The following ESR1 variants were observed in gnomAD, a reference collection of about 807,000 sequenced individuals.
ESR1 encodes the protein estrogen receptor 1.
In ESR1, 12 loss-of-function variants were observed where a neutral mutation model predicts 52.7. That is an observed-to-expected ratio of 0.23 (90% CI 0.15 to 0.37). The LOEUF is 0.37. Ranked by LOEUF, ESR1 falls within the 10% of genes least tolerant of loss-of-function variation. The probability of loss-of-function intolerance (pLI) is 1.00; values close to 1 mark genes in which losing one functional copy is unlikely to be tolerated. For synonymous variants in ESR1, 305 were observed against 316.8 expected (o/e 0.96, Z 0.39); for missense variants, 584 against 779.7 (o/e 0.75, Z 2.99).
chr6:151,938,135 G>A (rs1004048544), intron 3 of ESR1, among the ~76,000 whole-genome samples: 1 of 152,122 alleles, frequency 6.6e-6, no homozygotes, highest in African/African-American at 2.4e-5. Context: ...TTATGCAAAT[G>A]TTTGAAATAT....
At chr6:152,033,904 A>G (rs2045000272) in intron 5 of ESR1, among the ~76,000 whole-genome samples, 1 of 152,176 alleles carries the variant, frequency 6.6e-6, no homozygotes, top group South Asian at 2.1e-4. Context: ...CAAATGTCCA[A>G]CAATGATCTG....
At chr6:151,856,574 T>C (rs1018077047) in intron 2 of ESR1, among the ~76,000 whole-genome samples, 1 of 147,834 alleles carries the variant, frequency 6.8e-6, no homozygotes, top group African/African-American at 2.6e-5. Flanking sequence ...GGCCAGCTTT[T>C]ATCAATTATA....
intron 1 of ESR1, among the ~76,000 whole-genome samples, chr6:151,828,082 A>G (rs1781812208): frequency 6.6e-6 from 1 of 152,210 alleles, no homozygotes; most frequent in Admixed American, 6.5e-5. Flanking sequence ...CTTATCCAAA[A>G]TTAAAATTTA....
chr6:151,691,685 T>A (rs1405080986), intron 1 of ESR1, among the ~76,000 whole-genome samples: 1 of 139,202 alleles, frequency 7.2e-6, no homozygotes, highest in African/African-American at 2.8e-5. Flanking sequence ...GAATGTGGTA[T>A]ATACATATTT....
intron 6 of ESR1, among the ~76,000 whole-genome samples, chr6:152,072,959 T>A (rs912433664): frequency 6.6e-6 from 1 of 152,242 alleles, no homozygotes; most frequent in Non-Finnish European, 1.5e-5. Flanking sequence ...CTTAGTGCCA[T>A]GCTTTCTTAG....
At chr6:151,991,415 A>C (rs1445959540) in intron 4 of ESR1, among the ~76,000 whole-genome samples, 1 of 152,104 alleles carries the variant, frequency 6.6e-6, no homozygotes, top group Non-Finnish European at 1.5e-5. Context: ...AAGAGTTTCT[A>C]ATCTCACCTG....
rs907041904 is a variant in ESR1, at chr6:152,004,309, A to G, written c.1097-7347A>G. Among the ~76,000 whole-genome samples the G allele has an allele frequency of 5.3e-5, 8 of 152,014 alleles. No individual in the cohort carries two copies. The South Asian group carries it at 1.2e-3, about 24-fold the overall frequency. ...AAGACCAATAATTTTTCAAAGGAGC[A>G]TTATAAGGAGTGTGGTTACTTGGGT... On this transcript the variant is annotated intron_variant, in intron 4 of 7. Coordinates refer to ENST00000206249, the MANE Select transcript of ESR1 (RefSeq NM_000125.4).
chr6:151,880,348 T>G (rs1290504464), intron 2 of ESR1, among the ~76,000 whole-genome samples: 1 of 142,084 alleles, frequency 7.0e-6, no homozygotes, highest in Non-Finnish European at 1.6e-5. Context: ...ATACCCAGGT[T>G]TTTTTTGTAT....
rs898136469 is a variant in ESR1, at chr6:151,928,860, G to A, written c.761-15313G>A. ...GTGTTGTTCAATCTCTAAATATTTC[G>A]ATATTTTCCAGCTATCTTTCTGTTG... On this transcript the variant is annotated intron_variant, in intron 3 of 7. Transcript: ENST00000206249. Among the ~76,000 whole-genome samples, 11 of 151,776 alleles carry A rather than the reference G, an allele frequency of 7.2e-5. No homozygotes were observed. The East Asian group carries it at 9.7e-4, about 13-fold the overall frequency.
At chr6:152,068,025 TACAA>T (rs2048105201) in intron 6 of ESR1, among the ~76,000 whole-genome samples, 1 of 152,206 alleles carries the variant, frequency 6.6e-6, no homozygotes, top group South Asian at 2.1e-4. Flanking sequence ...TTAAATTAAA[TACAA>T]ACTAAGAGGG....
At chr6:151,724,481 A>C (rs1781695804) in intron 2 of ESR1, among the ~76,000 whole-genome samples, 1 of 152,136 alleles carries the variant, frequency 6.6e-6, no homozygotes, top group Non-Finnish European at 1.5e-5. Flanking sequence ...ATTACCCTAG[A>C]GATACACATA....
chr6:151,938,422 G>A (rs1251408884), intron 3 of ESR1, among the ~76,000 whole-genome samples: 1 of 152,202 alleles, frequency 6.6e-6, no homozygotes, highest in Non-Finnish European at 1.5e-5. Context: ...ATTAGAGGTA[G>A]TCTTTGAAAA....
chr6:151,715,633 A>T (rs1780972964), intron 2 of ESR1, among the ~76,000 whole-genome samples: 1 of 152,050 alleles, frequency 6.6e-6, no homozygotes, highest in Non-Finnish European at 1.5e-5. Context: ...TCAGCTATTG[A>T]TACTTGTGTA....
In ESR1 at chr6:152,101,235, G is replaced by C. The variant is rs1339814548; in HGVS notation, c.*2269G>C. 1 of 231,894 alleles carries C rather than the reference G, an allele frequency of 4.3e-6. No homozygotes were observed. The highest frequency in any genetic ancestry group is 8.5e-6 in the Non-Finnish European group (1 of 117,134). The allele number at this position is 231,894 out of a possible 1,614,324, so 14.4% of individuals were successfully genotyped here. ...GACAATCTTATGTAGCAAAGATTAT[G>C]CCTGAAAAGGAAAATTATTCAGGGC... On this transcript the variant is annotated 3_prime_UTR_variant, in exon 8 of 8. Transcript: ENST00000206249.
chr6:152,031,401 TAAAG>T (rs987958885), intron 5 of ESR1, among the ~76,000 whole-genome samples: 5 of 151,386 alleles, frequency 3.3e-5, no homozygotes, highest in African/African-American at 4.9e-5. Flanking sequence ...GCATGACTAA[TAAAG>T]AAGAAAAGAG....
chr6:151,696,471 C>CAAAT (rs59140265), intron 1 of ESR1, among the ~76,000 whole-genome samples: 5,307 of 136,414 alleles, frequency 0.039, 135 homozygotes, highest in East Asian at 0.12. Context: ...GACTCCATCT[C>CAAAT]AAATAAATAA....
rs774054906 is a variant in ESR1, at chr6:152,074,941, C to T, written c.1369+13817C>T. On this transcript the variant is annotated intron_variant, in intron 6 of 7. Transcript: ENST00000206249. ...TCCATTTTTTTAATCAGGTTGTTTG[C>T]GTTCTTATCGTTGAGTTTTAAAAGC... 1.1e-4 allele frequency among the ~76,000 whole-genome samples: 16 copies of T among 152,204 alleles called. No homozygotes were observed. In the South Asian group the frequency reaches 1.7e-3, roughly 16 times the overall value.
intron 6 of ESR1, among the ~76,000 whole-genome samples, chr6:152,073,638 G>A (rs1019540979): frequency 6.6e-6 from 1 of 152,154 alleles, no homozygotes; most frequent in African/African-American, 2.4e-5. Context: ...CTCTGGAGGC[G>A]AGTCTGTTGG....
At chr6:152,008,087 T>C (rs1292237883) in intron 4 of ESR1, among the ~76,000 whole-genome samples, 1 of 152,116 alleles carries the variant, frequency 6.6e-6, no homozygotes, top group East Asian at 1.9e-4. Flanking sequence ...AGGCATCTCA[T>C]GGATATTTAT....
Sources: gnomAD v4.1 joint callset for allele counts (sites outside exome capture counted in the v4.1 genomes callset) on GRCh38, gnomAD v4.1.1 for gene constraint, MANE v1.5 for transcripts, NCBI Gene and HGNC (gene_info 2026-07-23, HGNC 2026-07-21) for gene names.